Variants in C2orf69 observed in about 807,000 individuals in gnomAD.
The protein encoded by C2orf69 is mitochondrial protein C2orf69.
A neutral mutation model predicts 29.5 loss-of-function variants in C2orf69; 19 were observed. The ratio of observed to expected loss-of-function variants is 0.65; its 90% CI spans 0.45 to 0.95. The LOEUF is 0.95. Ranked by LOEUF, C2orf69 falls within the 40% of genes least tolerant of loss-of-function variation. C2orf69 has a pLI of 0.00. For missense variants in C2orf69, 416 were observed against 482.1 expected (o/e 0.86, Z 1.28); for synonymous variants, 194 against 180.0 (o/e 1.08, Z -0.62).
intron 1 of C2orf69, among the ~76,000 whole-genome samples, chr2:199,916,150 C>T (rs1365363934): frequency 6.6e-6 from 1 of 152,172 alleles, no homozygotes; most frequent in African/African-American, 2.4e-5. Context: ...GAAGGGGAAG[C>T]AAATGTGTCC....
At chr2:199,913,485 T>TAG (rs1365885145) in intron 1 of C2orf69, among the ~76,000 whole-genome samples, 4 of 91,886 alleles carry the variant, frequency 4.4e-5, no homozygotes, top group Non-Finnish European at 7.9e-5. Flanking sequence ...ATATAAAATA[T>TAG]ATATTATATT....
At position 199,911,582 on chromosome 2, in the gene C2orf69, G is replaced by C; in HGVS notation, c.144G>C (p.Glu48Asp). The change falls in exon 1 of 2, where the codon GAG becomes GAC. Residue 48 changes from glutamate (E) to aspartate (D), a missense_variant. By Grantham distance (45) the Glu-to-Asp change is conservative (BLOSUM62 2). This residue lies in a region of C2orf69 where 175 missense variants were observed against 139.9 expected (regional missense o/e 1.25). Coordinates refer to ENST00000319974, the MANE Select transcript of C2orf69 (RefSeq NM_153689.6). ...GCGCGCGATGCTCCCTCTCGGCCGAGGTGCGCCGCCGTCAGTGCCTGCAGC... is the reference window on the plus strand; with the variant it reads ...GCGCGCGATGCTCCCTCTCGGCCGACGTGCGCCGCCGTCAGTGCCTGCAGC... Reference protein sequence around the residue: ...SGGARCSLSAEVRRRQCLQLS... With the variant: ...SGGARCSLSADVRRRQCLQLS... 6.5e-7 allele frequency: 1 copy of C among 1,549,658 alleles called. No individual in the cohort carries two copies.
At chr2:199,918,600 G>A (rs972313973) in intron 1 of C2orf69, among the ~76,000 whole-genome samples, 1 of 152,114 alleles carries the variant, frequency 6.6e-6, no homozygotes, top group East Asian at 1.9e-4. Context: ...GACCTCAAGT[G>A]ATCTGCCTGC....
intron 1 of C2orf69, 42 bp downstream of exon 1, chr2:199,911,813 G>T: frequency 6.5e-7 from 1 of 1,535,940 alleles, no homozygotes; most frequent in Non-Finnish European, 8.7e-7. Context: ...TTCCTCTCGT[G>T]TATACGTACG....
At position 199,925,018 on chromosome 2, in the gene C2orf69, GT is replaced by G; in HGVS notation, c.334-43del. ...ACTTATTTTGTGGAAATCATTTTAT[GT>G]AAATATGTATTTAATACTTATTTCA... On this transcript the variant is annotated intron_variant, in intron 1 of 1. Transcript: ENST00000319974. This position sits in a 1 kb window ranked among gnomAD's most constrained non-coding sequence, Gnocchi z 4.9. The G allele has an allele frequency of 8.6e-7, 1 of 1,156,826 alleles. No individual in the cohort carries two copies. The highest frequency in any genetic ancestry group is 1.2e-6 in the Non-Finnish European group (1 of 810,096). The allele number at this position is 1,156,826 out of a possible 1,614,324, so 71.7% of individuals were successfully genotyped here.
At chr2:199,922,813 A>G (rs914775296) in intron 1 of C2orf69, among the ~76,000 whole-genome samples, 1 of 152,188 alleles carries the variant, frequency 6.6e-6, no homozygotes, top group Non-Finnish European at 1.5e-5. Context: ...GTCTCCTTGC[A>G]TCAGCTATTG....
chr2:199,913,454 C>A lies in C2orf69; in HGVS notation c.333+1683C>A, dbSNP rs868865784. Among the ~76,000 whole-genome samples, 76 of 71,576 alleles carry A rather than the reference C, an allele frequency of 1.1e-3. 2 individuals are homozygous for A. Among genetic ancestry groups the A allele is most frequent in the African/African-American group, 3.0e-3 (51 of 17,110 alleles). The allele number at this position is 71,576 out of a possible 152,430, so 47.0% of individuals were successfully genotyped here. On this transcript the variant is annotated intron_variant, in intron 1 of 1. Transcript: ENST00000319974. ...ATATATATTATATAAAATATATATTCTATTATATAAAATATATATTATATA... is the reference window on the plus strand; with the variant it reads ...ATATATATTATATAAAATATATATTATATTATATAAAATATATATTATATA...
chr2:199,925,142 A>G lies in C2orf69; in HGVS notation c.414A>G (p.Leu138=), dbSNP rs1477321955. The G allele has an allele frequency of 3.1e-6, 5 of 1,613,180 alleles. No homozygotes were observed. Among genetic ancestry groups the G allele is most frequent in the Non-Finnish European group, 4.2e-6 (5 of 1,179,328 alleles). The stretch of plus-strand genomic sequence containing the variant: ...GTCTAGAAAATGTTGCTACCATTTT[A>G]GCCCACCGGTTCCCCAATAGTTATA... ...NWSLENVATI[L]AHRFPNSYIW... Residue 138 remains leucine (L), a synonymous_variant, in exon 2 of 2, where the codon TTA becomes TTG. Transcript: ENST00000319974. The surrounding 1 kb of genome is among the most constrained non-coding windows in gnomAD (Gnocchi z 4.9).
Position 199,925,890 on chromosome 2 carries a change from T to C in C2orf69, c.*4T>C. 1 of 1,577,686 alleles carries C rather than the reference T, an allele frequency of 6.3e-7. No individual in the cohort carries two copies. The highest frequency in any genetic ancestry group is 8.7e-7 in the Non-Finnish European group (1 of 1,150,310). ...CAGGGTTCATGAAGTATTTTGAGAT[T>C]ACAGGTATATTAATGAACTTGTTCA... On this transcript the variant is annotated 3_prime_UTR_variant, in exon 2 of 2. Coordinates refer to ENST00000319974, the MANE Select transcript of C2orf69 (RefSeq NM_153689.6). The surrounding 1 kb of genome is among the most constrained non-coding windows in gnomAD (Gnocchi z 4.9).
Position 199,911,747 on chromosome 2 carries a change from C to A in C2orf69, c.309C>A (p.Val103=), listed in dbSNP as rs1218818444. ...CGCAGCCGCCGCCCCAGCATCACGT[C>A]CTCTATTTCCCTGGGGATGTGCAGG... ...EEPQPPPQHH[V]LYFPGDVQNY... The change falls in exon 1 of 2, where the codon GTC becomes GTA. Residue 103 remains valine (V), a synonymous_variant. Transcript: ENST00000319974. 4 of 1,540,022 alleles carry A rather than the reference C, an allele frequency of 2.6e-6. No homozygotes were observed. The East Asian group carries it at 9.8e-5, about 38-fold the overall frequency.
chr2:199,915,940 T>A (rs1459634982), intron 1 of C2orf69, among the ~76,000 whole-genome samples: 1 of 152,232 alleles, frequency 6.6e-6, no homozygotes, highest in Non-Finnish European at 1.5e-5. Flanking sequence ...TGCAGTCATG[T>A]TTTGTTGTAT....
intron 1 of C2orf69, among the ~76,000 whole-genome samples, chr2:199,918,705 T>C (rs1331980241): frequency 2.0e-5 from 3 of 151,976 alleles, no homozygotes; most frequent in African/African-American, 7.3e-5. Context: ...TTTTGACAAG[T>C]GTTGGAATTA....
Position 199,911,414 on chromosome 2 carries a change from C to G in C2orf69, c.-25C>G. 3.3e-6 allele frequency: 5 copies of G among 1,495,882 alleles called. No individual in the cohort carries two copies. The South Asian group carries it at 3.9e-5, about 12-fold the overall frequency. 92.7% of individuals were successfully genotyped at this position (1,495,882 alleles called of 1,614,324 possible). On this transcript the variant is annotated 5_prime_UTR_variant, in exon 1 of 2. Coordinates refer to ENST00000319974, the MANE Select transcript of C2orf69 (RefSeq NM_153689.6). Reference sequence around the variant, plus strand: ...GAACCCCTCCGCCACCCTCCACCTCCGAACCGCTCTCGCGGCGGCGACCCA... The same window carrying G: ...GAACCCCTCCGCCACCCTCCACCTCGGAACCGCTCTCGCGGCGGCGACCCA...
chr2:199,914,682 T>G (rs1486095107), intron 1 of C2orf69, among the ~76,000 whole-genome samples: 1 of 152,190 alleles, frequency 6.6e-6, no homozygotes, highest in East Asian at 1.9e-4. Context: ...TTTTTCTGTT[T>G]ACTCTTCTCC....
At position 199,911,768 on chromosome 2, in the gene C2orf69, G is replaced by T; in HGVS notation, c.330G>T (p.Val110=). The T allele has an allele frequency of 6.5e-7, 1 of 1,538,628 alleles. No homozygotes were observed. ...ACGTCCTCTATTTCCCTGGGGATGT[G>T]CAGGTAACTCGGGGCCTGCCTGGGT... ...QHHVLYFPGD[V]QNYHEIMTRH... The change falls in exon 1 of 2, where the codon GTG becomes GTT. Residue 110 remains valine (V), a synonymous_variant. Coordinates refer to ENST00000319974, the MANE Select transcript of C2orf69 (RefSeq NM_153689.6).
intron 1 of C2orf69, among the ~76,000 whole-genome samples, chr2:199,914,044 T>A (rs1367596054): frequency 6.6e-6 from 1 of 152,196 alleles, no homozygotes; most frequent in Non-Finnish European, 1.5e-5. Context: ...AATAATAGTT[T>A]ATAAGGTGTC....
intron 1 of C2orf69, among the ~76,000 whole-genome samples, chr2:199,918,470 T>C (rs933413124): frequency 3.3e-5 from 5 of 152,208 alleles, no homozygotes; most frequent in African/African-American, 1.2e-4. Flanking sequence ...CAAGCAATTC[T>C]TGTGCCTCAG....
intron 1 of C2orf69, among the ~76,000 whole-genome samples, chr2:199,914,488 A>G (rs1316697421): frequency 6.6e-6 from 1 of 152,138 alleles, no homozygotes; most frequent in East Asian, 1.9e-4. Context: ...CAGTGTATCT[A>G]AAGTAATCAG....
At position 199,911,419 on chromosome 2, in the gene C2orf69, C is replaced by T. The variant is rs1195621829; in HGVS notation, c.-20C>T. 5.3e-6 allele frequency: 8 copies of T among 1,500,628 alleles called. No individual in the cohort carries two copies. The highest frequency in any genetic ancestry group is 2.6e-5 in the South Asian group (2 of 77,378). The allele number at this position is 1,500,628 out of a possible 1,614,324, so 93.0% of individuals were successfully genotyped here. A position where few individuals can be genotyped will look rare whatever the true frequency, so the allele number is the denominator to read the frequency against. ...CCTCCGCCACCCTCCACCTCCGAACCGCTCTCGCGGCGGCGACCCATGTGG... is the reference window on the plus strand; with the variant it reads ...CCTCCGCCACCCTCCACCTCCGAACTGCTCTCGCGGCGGCGACCCATGTGG... On this transcript the variant is annotated 5_prime_UTR_variant, in exon 1 of 2. Transcript: ENST00000319974.
Sources: allele counts gnomAD v4.1 joint callset (sites outside exome capture counted in the v4.1 genomes callset), GRCh38; gene constraint gnomAD v4.1.1; regional missense constraint gnomAD v4.1.1; non-coding constraint Gnocchi (gnomAD v3.1); transcripts MANE v1.5; gene names NCBI Gene and HGNC (gene_info 2026-07-23, HGNC 2026-07-21).